The following KCNC2 variants were observed in gnomAD, a reference collection of about 807,000 sequenced individuals.
KCNC2 encodes the protein voltage-gated potassium channel KCNC2.
KCNC2 carries 21 observed loss-of-function variants against 44.5 expected under a neutral mutation model. The ratio of observed to expected loss-of-function variants is 0.47; its 90% CI spans 0.33 to 0.68. KCNC2 has a LOEUF of 0.68. KCNC2 is among the 30% of genes least tolerant of loss of function. The probability of loss-of-function intolerance (pLI) is 0.01; values close to 1 mark genes in which losing one functional copy is unlikely to be tolerated. For synonymous variants in KCNC2, 391 were observed against 339.1 expected, an observed-to-expected ratio of 1.15 and a Z score of -1.68; for missense variants, 589 against 826.2, an observed-to-expected ratio of 0.71 and a Z score of 3.52.
chr12:75,138,979 TA>T lies in KCNC2; in HGVS notation c.687+68317del, dbSNP rs373729570. 2.6e-3 allele frequency among the ~76,000 whole-genome samples: 204 copies of T among 77,912 alleles called. No individual in the cohort carries two copies. The East Asian group carries it at 0.039, about 15-fold the overall frequency. The allele number at this position is 77,912 out of a possible 152,430, so 51.1% of individuals were successfully genotyped here. A position where few individuals can be genotyped will look rare whatever the true frequency, so the allele number is the denominator to read the frequency against. ...CTGGGCCACAGAGCGAGACTCCGTG[TA>T]AAAAAAAAAAAAAAAAAAAAAAAAA... On this transcript the variant is annotated intron_variant, in intron 2 of 4. Coordinates refer to ENST00000549446, the MANE Select transcript of KCNC2 (RefSeq NM_139137.4).
At chr12:75,130,404 T>C (rs1888749905) in intron 2 of KCNC2, among the ~76,000 whole-genome samples, 1 of 152,144 alleles carries the variant, frequency 6.6e-6, no homozygotes, top group African/African-American at 2.4e-5. Flanking sequence ...TTTCTATTTA[T>C]CTCTCTCATC....
chr12:75,184,608 A>G (rs553562795), intron 2 of KCNC2, among the ~76,000 whole-genome samples: 46 of 152,274 alleles, frequency 3.0e-4, no homozygotes, highest in African/African-American at 1.1e-3. Flanking sequence ...AATTTCCCCC[A>G]GGTACTTTTT....
At chr12:75,166,957 A>G (rs1000898620) in intron 2 of KCNC2, among the ~76,000 whole-genome samples, 9 of 151,120 alleles carry the variant, frequency 6.0e-5, no homozygotes, top group Admixed American at 5.3e-4. Context: ...TAGAGTAGAA[A>G]TAAAGAATTC....
intron 2 of KCNC2, among the ~76,000 whole-genome samples, chr12:75,129,099 C>G (rs985301226): frequency 1.3e-5 from 2 of 152,190 alleles, no homozygotes; most frequent in African/African-American, 4.8e-5. Context: ...GTTGCTCTAT[C>G]ACTTGGTTAT....
intron 2 of KCNC2, among the ~76,000 whole-genome samples, chr12:75,173,480 C>A (rs1593025213): frequency 1.3e-5 from 2 of 151,734 alleles, no homozygotes; most frequent in South Asian, 4.1e-4. Context: ...TCATTTCTCA[C>A]AAACAAAAGG....
chr12:75,128,476 A>G (rs1400270569), intron 2 of KCNC2, among the ~76,000 whole-genome samples: 1 of 152,188 alleles, frequency 6.6e-6, no homozygotes, highest in African/African-American at 2.4e-5. Context: ...AACCTACTCA[A>G]AGAAGGGATT....
intron 2 of KCNC2, among the ~76,000 whole-genome samples, chr12:75,066,561 T>G (rs755628555): frequency 1.3e-5 from 2 of 152,224 alleles, no homozygotes; most frequent in Non-Finnish European, 2.9e-5. Flanking sequence ...TTCCTACTAC[T>G]GGGATGATGT....
chr12:75,086,257 T>G (rs1315181013), intron 2 of KCNC2, among the ~76,000 whole-genome samples: 1 of 151,972 alleles, frequency 6.6e-6, no homozygotes, highest in African/African-American at 2.4e-5. Context: ...GTCAGAAGTC[T>G]GGTTATTAGA....
chr12:75,088,370 A>G (rs1174442772), intron 2 of KCNC2, among the ~76,000 whole-genome samples: 1 of 152,134 alleles, frequency 6.6e-6, no homozygotes, highest in Non-Finnish European at 1.5e-5. Flanking sequence ...ATGCAAGCTC[A>G]ATAAATGCAA....
intron 2 of KCNC2, among the ~76,000 whole-genome samples, chr12:75,205,086 C>T (rs1382241552): frequency 6.6e-6 from 1 of 152,102 alleles, no homozygotes; most frequent in Non-Finnish European, 1.5e-5. Flanking sequence ...ATGTCTTATG[C>T]CGCATTAAAT....
At chr12:75,193,449 A>T (rs1401503638) in intron 2 of KCNC2, among the ~76,000 whole-genome samples, 1 of 152,114 alleles carries the variant, frequency 6.6e-6, no homozygotes, top group African/African-American at 2.4e-5. Flanking sequence ...TGGCTATGGG[A>T]CAACTGCTCA....
At chr12:75,187,943 A>G (rs2029868894) in intron 2 of KCNC2, among the ~76,000 whole-genome samples, 1 of 152,204 alleles carries the variant, frequency 6.6e-6, no homozygotes, top group South Asian at 2.1e-4. Flanking sequence ...TGTCATAGTC[A>G]TACCTTGTTT....
chr12:75,170,805 T>A lies in KCNC2; in HGVS notation c.687+36492A>T, dbSNP rs555926696. Reference sequence around the variant, plus strand: ...TTCAGGGCAACACCCAATAGTTATCTCAAAGCTTCTGCAAGTTAAAAGTTC... The same window carrying A: ...TTCAGGGCAACACCCAATAGTTATCACAAAGCTTCTGCAAGTTAAAAGTTC... On this transcript the variant is annotated intron_variant, in intron 2 of 4. Coordinates refer to ENST00000549446, the MANE Select transcript of KCNC2 (RefSeq NM_139137.4). Among the ~76,000 whole-genome samples the A allele has an allele frequency of 8.6e-5, 13 of 151,874 alleles. No homozygotes were observed. In the East Asian group the frequency reaches 2.5e-3, roughly 30 times the overall value.
rs35359949 is a variant in KCNC2 at position 75,145,467 on chromosome 12, T to TA, written c.687+61829dup. 1.9e-3 allele frequency among the ~76,000 whole-genome samples: 276 copies of TA among 147,508 alleles called. 1 individual carries two copies. The highest frequency in any genetic ancestry group is 4.9e-3 in the African/African-American group (198 of 40,614). Reference sequence around the variant, plus strand: ...CATATCCTATTTTCTTTTCTTTTATTAAAAAAAAAAAGACATTATCCTTGT... The same window carrying TA: ...CATATCCTATTTTCTTTTCTTTTATTAAAAAAAAAAAAGACATTATCCTTGT... On this transcript the variant is annotated intron_variant, in intron 2 of 4. Coordinates refer to ENST00000549446, the MANE Select transcript of KCNC2 (RefSeq NM_139137.4).
chr12:75,048,196 C>T lies in KCNC2; in HGVS notation c.1737G>A (p.Thr579=), dbSNP rs892456842. The T allele has an allele frequency of 6.8e-6, 11 of 1,612,856 alleles. No individual in the cohort carries two copies. Among genetic ancestry groups the T allele is most frequent in the African/African-American group, 1.3e-5 (1 of 74,788 alleles). ...NRRGETCFLL[T]TGDYTCASDG... ...CAGAAGCACACGTGTAATCACCTGT[C>T]GTCAGTAGGAAACATGTTTCCCCTC... The change falls in exon 4 of 5, where the codon ACG becomes ACA. Residue 579 remains threonine, a synonymous_variant. Transcript: ENST00000549446.
intron 2 of KCNC2, among the ~76,000 whole-genome samples, chr12:75,174,568 T>C (rs886408108): frequency 2.6e-5 from 4 of 151,960 alleles, no homozygotes; most frequent in Non-Finnish European, 5.9e-5. Flanking sequence ...ACATGAATTT[T>C]ATTTGACATA....
At chr12:75,128,129 A>C (rs928167763) in intron 2 of KCNC2, among the ~76,000 whole-genome samples, 2 of 152,158 alleles carry the variant, frequency 1.3e-5, no homozygotes, top group African/African-American at 4.8e-5. Context: ...ATATTCACTC[A>C]GAAGTAGAAA....
rs570210088 is a variant in KCNC2, at chr12:75,041,070, A to C, written c.*2035T>G. ...TTAAGTGCCTCATGAAGACGCGAGGATCTCTTCCAAGTGCAACCTGGTCAC... is the reference window on the plus strand; with the variant it reads ...TTAAGTGCCTCATGAAGACGCGAGGCTCTCTTCCAAGTGCAACCTGGTCAC... On this transcript the variant is annotated 3_prime_UTR_variant, in exon 5 of 5. Coordinates refer to ENST00000549446, the MANE Select transcript of KCNC2 (RefSeq NM_139137.4). 12 of 1,572,300 alleles carry C rather than the reference A, an allele frequency of 7.6e-6. No homozygotes were observed. Among genetic ancestry groups the C allele is most frequent in the Non-Finnish European group, 1.0e-5 (12 of 1,156,734 alleles).
chr12:75,158,825 T>C (rs1890929651), intron 2 of KCNC2, among the ~76,000 whole-genome samples: 1 of 151,894 alleles, frequency 6.6e-6, no homozygotes, highest in African/African-American at 2.4e-5. Context: ...TTTTAGTCCC[T>C]TGAGACTTTG....
Sources: gnomAD v4.1 joint callset for allele counts (sites outside exome capture counted in the v4.1 genomes callset) on GRCh38, gnomAD v4.1.1 for gene constraint, MANE v1.5 for transcripts, NCBI Gene and HGNC (gene_info 2026-07-23, HGNC 2026-07-21) for gene names.